Variants in SOX6 observed in about 807,000 individuals in gnomAD.
SOX6 encodes the protein SRY-box transcription factor 6, also known as transcription factor SOX-6.
SOX6 carries 11 observed loss-of-function variants against 97.8 expected under a neutral mutation model. The ratio of observed to expected loss-of-function variants is 0.11; its 90% CI spans 0.07 to 0.19. SOX6 has a LOEUF of 0.19. Ranked by LOEUF, SOX6 falls within the 10% of genes least tolerant of loss-of-function variation. SOX6 has a pLI of 1.00. For synonymous variants in SOX6, 360 were observed against 371.4 expected (o/e 0.97, Z 0.35); for missense variants, 810 against 1,039.5 (o/e 0.78, Z 3.04).
At chr11:16,321,886 A>C (rs1189865569) in intron 2 of SOX6, among the ~76,000 whole-genome samples, 1 of 152,160 alleles carries the variant, frequency 6.6e-6, no homozygotes, top group Non-Finnish European at 1.5e-5. Flanking sequence ...TAACTTTCTA[A>C]CACCTAACAA....
At chr11:16,594,833 G>A (rs1052029703) in intron 4 of SOX6, among the ~76,000 whole-genome samples, 15 of 151,992 alleles carry the variant, frequency 9.9e-5, no homozygotes, top group African/African-American at 3.6e-4. Flanking sequence ...TGGGACTACA[G>A]GCCCCCGCCA....
intron 4 of SOX6, among the ~76,000 whole-genome samples, chr11:16,190,492 G>A (rs1169641230): frequency 6.6e-6 from 1 of 152,172 alleles, no homozygotes; most frequent in Non-Finnish European, 1.5e-5. Flanking sequence ...ATTGTATTAG[G>A]TGTTATAAGT....
At chr11:16,117,365 A>C (rs1018817150) in intron 6 of SOX6, among the ~76,000 whole-genome samples, 86 of 146,456 alleles carry the variant, frequency 5.9e-4, no homozygotes, top group African/African-American at 2.0e-3. Context: ...AAACAAAACA[A>C]AACAAAAACA....
At chr11:16,660,870 G>A (rs1847761075) in intron 3 of SOX6, among the ~76,000 whole-genome samples, 1 of 152,246 alleles carries the variant, frequency 6.6e-6, no homozygotes, top group East Asian at 1.9e-4. Context: ...CCCCAGAATT[G>A]CGAGAAATAA....
At chr11:16,646,641 A>G (rs1451303326) in intron 3 of SOX6, among the ~76,000 whole-genome samples, 1 of 152,094 alleles carries the variant, frequency 6.6e-6, no homozygotes, top group African/African-American at 2.4e-5. Context: ...CTTTCCCCTG[A>G]GTCCCACAGC....
At chr11:16,292,048 T>C (rs888611507) in intron 3 of SOX6, among the ~76,000 whole-genome samples, 1 of 152,086 alleles carries the variant, frequency 6.6e-6, no homozygotes, top group African/African-American at 2.4e-5. Context: ...GAATACAAAG[T>C]GAGAAATCTA....
At chr11:16,044,087 G>T (rs1428899552) in intron 12 of SOX6, among the ~76,000 whole-genome samples, 3 of 151,928 alleles carry the variant, frequency 2.0e-5, no homozygotes, top group African/African-American at 4.8e-5. Flanking sequence ...TTAGAGATGG[G>T]GTCTCACTAT....
intron 3 of SOX6, among the ~76,000 whole-genome samples, chr11:16,682,147 G>A (rs534919358): frequency 2.0e-5 from 3 of 152,188 alleles, no homozygotes; most frequent in South Asian, 2.1e-4. Context: ...AAGCCTGGTA[G>A]AGACACAACA....
intron 1 of SOX6, among the ~76,000 whole-genome samples, chr11:16,428,323 T>G (rs995547281): frequency 4.3e-4 from 65 of 152,306 alleles, no homozygotes; most frequent in African/African-American, 1.3e-3. Context: ...AGAAGCTCTT[T>G]AGTTTAACTA....
At chr11:16,341,806 T>G (rs1474647719) in intron 1 of SOX6, among the ~76,000 whole-genome samples, 1 of 152,076 alleles carries the variant, frequency 6.6e-6, no homozygotes, top group Admixed American at 6.6e-5. Flanking sequence ...TGTTTACACT[T>G]TGCATTATTA....
At chr11:16,076,735 ATTTTTTTTTTTTTTTTT>A (rs1156737950) in intron 9 of SOX6, among the ~76,000 whole-genome samples, 2 of 94,152 alleles carry the variant, frequency 2.1e-5, no homozygotes, top group South Asian at 7.8e-4. Flanking sequence ...GGTACTACAC[ATTTTTTTTTTTTTTTTT>A]TTTTTTTTTT....
At chr11:16,597,340 GTA>G (rs951416926) in intron 4 of SOX6, among the ~76,000 whole-genome samples, 6 of 143,200 alleles carry the variant, frequency 4.2e-5, no homozygotes, top group South Asian at 2.3e-4. Flanking sequence ...ATGTGTGTGT[GTA>G]TATATATATA....
At chr11:16,344,986 G>A (rs1330271368) in intron 1 of SOX6, among the ~76,000 whole-genome samples, 1 of 151,842 alleles carries the variant, frequency 6.6e-6, no homozygotes, top group Non-Finnish European at 1.5e-5. Flanking sequence ...TTTCTTTACT[G>A]TGCTCCCAGC....
chr11:16,488,537 T>G (rs1013582755), intron 4 of SOX6, among the ~76,000 whole-genome samples: 1 of 152,112 alleles, frequency 6.6e-6, no homozygotes, highest in African/African-American at 2.4e-5. Context: ...TCTTAGGTGA[T>G]GTGGTGGCTA....
chr11:16,632,430 A>G (rs1285116760), intron 3 of SOX6, among the ~76,000 whole-genome samples: 1 of 152,150 alleles, frequency 6.6e-6, no homozygotes, highest in Non-Finnish European at 1.5e-5. Context: ...CTTGTCTGGA[A>G]AATATTTTTT....
chr11:16,337,487 A>C (rs935987775), intron 2 of SOX6, among the ~76,000 whole-genome samples: 1 of 152,142 alleles, frequency 6.6e-6, no homozygotes, highest in Non-Finnish European at 1.5e-5. Context: ...CCATGAAAAA[A>C]ATTATGTGAA....
intron 2 of SOX6, among the ~76,000 whole-genome samples, chr11:16,716,186 A>G (rs561258789): frequency 1.1e-4 from 17 of 152,176 alleles, no homozygotes; most frequent in Non-Finnish European, 2.4e-4. Flanking sequence ...CAGTGAACTG[A>G]CACTGTGCCA....
intron 6 of SOX6, among the ~76,000 whole-genome samples, chr11:16,132,272 AAGGAAGGAAGGAAG>A (rs1849766111): frequency 2.0e-4 from 2 of 9,960 alleles, no homozygotes; most frequent in Non-Finnish European, 5.3e-4. Flanking sequence ...AGAAAGAAGG[AAGGAAGGAAGGAAG>A]GAAGGAAGGA....
chr11:16,204,435 G>T (rs899429113), intron 4 of SOX6, among the ~76,000 whole-genome samples: 1 of 152,064 alleles, frequency 6.6e-6, no homozygotes, highest in African/African-American at 2.4e-5. Context: ...TGTGGTGTGT[G>T]TAGTATGCCT....
Sources: gnomAD v4.1 joint callset for allele counts (sites outside exome capture counted in the v4.1 genomes callset) on GRCh38, gnomAD v4.1.1 for gene constraint, MANE v1.5 for transcripts, NCBI Gene and HGNC (gene_info 2026-07-23, HGNC 2026-07-21) for gene names.